The following GPR161 variants were observed in gnomAD, a reference collection of about 807,000 sequenced individuals.
GPR161 encodes the protein G protein-coupled receptor 161.
GPR161 carries 25 observed loss-of-function variants against 39.2 expected under a neutral mutation model. The ratio of observed to expected loss-of-function variants is 0.64; its 90% CI spans 0.47 to 0.89. The LOEUF (loss-of-function observed/expected upper bound fraction) is 0.89, where lower values mean the gene tolerates loss of function less well. GPR161 is among the 40% of genes least tolerant of loss of function. The pLI is 0.00. For missense variants in GPR161, 547 were observed against 677.8 expected (o/e 0.81, Z 2.14); for synonymous variants, 286 against 276.6 (o/e 1.03, Z -0.34).
intron 1 of GPR161, among the ~76,000 whole-genome samples, chr1:168,124,995 A>T (rs571877547): frequency 2.0e-5 from 3 of 152,214 alleles, no homozygotes; most frequent in Non-Finnish European, 4.4e-5. Flanking sequence ...ACCCAGCCTC[A>T]TGTATTCCTG....
chr1:168,081,297 C>T lies in GPR161; in HGVS notation c.*4234G>A, dbSNP rs1471332268. The stretch of plus-strand genomic sequence containing the variant: ...ACCACATCCCTGCTTTTCTGAAAGT[C>T]CTTCCTTGCTGTGCAACAAATATGA... On this transcript the variant is annotated 3_prime_UTR_variant, in exon 6 of 6. Coordinates refer to ENST00000682931, the MANE Select transcript of GPR161 (RefSeq NM_001375883.1). The T allele has an allele frequency of 6.6e-6, 1 of 152,380 alleles. No individual in the cohort carries two copies. The highest frequency in any genetic ancestry group is 2.1e-4 in the South Asian group (1 of 4,824). 9.4% of individuals were successfully genotyped at this position (152,380 alleles called of 1,614,324 possible).
At chr1:168,092,134 T>C (rs1695123608) in intron 3 of GPR161, among the ~76,000 whole-genome samples, 1 of 152,178 alleles carries the variant, frequency 6.6e-6, no homozygotes, top group African/African-American at 2.4e-5. Context: ...TCCTCTTGAC[T>C]GGGGGTTACT....
chr1:168,089,744 C>T (rs577456264), intron 4 of GPR161, among the ~76,000 whole-genome samples: 15 of 75,130 alleles, frequency 2.0e-4, no homozygotes, highest in Admixed American at 1.6e-3. Flanking sequence ...GACTCCCTGC[C>T]TCTGCCCATG....
At chr1:168,120,141 C>T (rs1698047468) in intron 1 of GPR161, among the ~76,000 whole-genome samples, 1 of 152,354 alleles carries the variant, frequency 6.6e-6, no homozygotes, top group Non-Finnish European at 1.5e-5. Flanking sequence ...TCAACACCAG[C>T]CCATGAAAGC....
At chr1:168,136,948 GCCC>G, upstream of GPR161, 18 of 910,864 alleles carry the variant, frequency 2.0e-5, no homozygotes, top group Middle Eastern at 5.7e-4. Context: ...CGGCGCCCGC[GCCC>G]CGCCCCGCCC....
chr1:168,136,039 T>G lies in GPR161; in HGVS notation c.-45+700A>C, dbSNP rs942629057. 7.3e-6 allele frequency: 9 copies of G among 1,241,062 alleles called. No individual in the cohort carries two copies. The African/African-American group carries it at 1.1e-4, about 15-fold the overall frequency. 76.9% of individuals were successfully genotyped at this position (1,241,062 alleles called of 1,614,324 possible). On this transcript the variant is annotated intron_variant, in intron 1 of 5. Coordinates refer to ENST00000682931, the MANE Select transcript of GPR161 (RefSeq NM_001375883.1). The stretch of plus-strand genomic sequence containing the variant: ...CAGACGTTCTCATCCCATATGCCTT[T>G]GTCCAAAGGTTGCACGGGGGTTAAG...
At chr1:168,136,514 A>C in intron 1 of GPR161, 6 of 1,238,770 alleles carry the variant, frequency 4.8e-6, no homozygotes, top group African/African-American at 1.6e-5. Context: ...CGCCCCCAAC[A>C]TCTTCCCACA....
chr1:168,118,382 G>T (rs1269927176), intron 1 of GPR161, among the ~76,000 whole-genome samples: 1 of 151,510 alleles, frequency 6.6e-6, no homozygotes, highest in Non-Finnish European at 1.5e-5. Context: ...CACATAAGTG[G>T]GCACTAAATA....
At chr1:168,125,454 A>C (rs984699324) in intron 1 of GPR161, among the ~76,000 whole-genome samples, 4 of 152,250 alleles carry the variant, frequency 2.6e-5, no homozygotes, top group African/African-American at 7.2e-5. Flanking sequence ...AGGCCAATAT[A>C]TAAGTGCAGA....
In GPR161 at chr1:168,097,030, G is replaced by C. The variant is rs750197990; in HGVS notation, c.577C>G (p.Gln193Glu). 6.2e-7 allele frequency: 1 copy of C among 1,614,112 alleles called. No homozygotes were observed. Among genetic ancestry groups the C allele is most frequent in the Non-Finnish European group, 8.5e-7 (1 of 1,180,012 alleles). Residue 193 changes from glutamine (Q) to glutamate (E), a missense_variant, in exon 3 of 6, where the codon CAG (glutamine) becomes GAG (glutamate). Coordinates refer to ENST00000682931, the MANE Select transcript of GPR161 (RefSeq NM_001375883.1). Reference sequence around the variant, plus strand: ...AAGGGGAAGAGGGCACACCAGATCTGCCAGAAGGCCGTGTAGCCAGGCTCC... The same window carrying C: ...AAGGGGAAGAGGGCACACCAGATCTCCCAGAAGGCCGTGTAGCCAGGCTCC... ...HREPGYTAFW[Q>E]IWCALFPFLV...
chr1:168,088,971 C>G (rs769868383), intron 4 of GPR161: 21 of 152,368 alleles, frequency 1.4e-4, no homozygotes, highest in Non-Finnish European at 2.8e-4. Context: ...TCGACACATT[C>G]ATCATCTTTC....
At chr1:168,130,488 A>G (rs1325046635) in intron 1 of GPR161, among the ~76,000 whole-genome samples, 2 of 152,210 alleles carry the variant, frequency 1.3e-5, no homozygotes, top group Non-Finnish European at 2.9e-5. Flanking sequence ...GTCCTGATAA[A>G]AACCACTTGA....
intron 1 of GPR161, 113 bp downstream of exon 1, chr1:168,136,626 C>T (rs576357121): frequency 8.2e-7 from 1 of 1,223,748 alleles, no homozygotes; most frequent in African/African-American, 1.6e-5. Flanking sequence ...GGGCGGGGAC[C>T]CTTCCCGGCC....
chr1:168,104,146 T>G (rs1047648081), intron 2 of GPR161, among the ~76,000 whole-genome samples: 2 of 151,988 alleles, frequency 1.3e-5, no homozygotes, highest in Non-Finnish European at 2.9e-5. Flanking sequence ...AGAAGCAGAG[T>G]CAGAGGCCCT....
intron 1 of GPR161, chr1:168,114,561 A>T (rs1278720462): frequency 6.6e-6 from 1 of 152,162 alleles, no homozygotes; most frequent in East Asian, 1.9e-4. Flanking sequence ...TGTCTCAAAA[A>T]AAAAAAAAAG....
Position 168,090,495 on chromosome 1 carries a change from C to T in GPR161, c.1204+69G>A, listed in dbSNP as rs76206083. 1,124 of 874,566 alleles carry T rather than the reference C, an allele frequency of 1.3e-3. 4 individuals are homozygous for T. The African/African-American group carries it at 0.017, about 13-fold the overall frequency. 54.2% of individuals were successfully genotyped at this position (874,566 alleles called of 1,614,324 possible). On this transcript the variant is annotated intron_variant, in intron 4 of 5. Coordinates refer to ENST00000682931, the MANE Select transcript of GPR161 (RefSeq NM_001375883.1). ...AGCTCTTGAGCCTGCACAGGGGAAA[C>T]GCGACACGGGGGAAACGCAACACAG...
At chr1:168,114,119 A>G (rs1422807624) in intron 1 of GPR161, among the ~76,000 whole-genome samples, 1 of 152,240 alleles carries the variant, frequency 6.6e-6, no homozygotes, top group Non-Finnish European at 1.5e-5. Context: ...TTACTACATC[A>G]TAAGACTAGG....
At chr1:168,132,587 CAAAA>C (rs1160404142) in intron 1 of GPR161, among the ~76,000 whole-genome samples, 1 of 78,594 alleles carries the variant, frequency 1.3e-5, no homozygotes. Context: ...GACTCCGTCT[CAAAA>C]AAAAAAAAAA....
At chr1:168,137,470 T>A, upstream of GPR161, 1 of 1,391,212 alleles carries the variant, frequency 7.2e-7, no homozygotes, top group Non-Finnish European at 9.9e-7. Flanking sequence ...AATACCACAG[T>A]GAATTCGTCC....
Sources: allele counts gnomAD v4.1 joint callset (sites outside exome capture counted in the v4.1 genomes callset), GRCh38; gene constraint gnomAD v4.1.1; transcripts MANE v1.5; gene names NCBI Gene and HGNC (gene_info 2026-07-23, HGNC 2026-07-21).